The following LINGO2 variants were observed in gnomAD, a reference collection of about 807,000 sequenced individuals.
The protein encoded by LINGO2 is leucine rich repeat and Ig domain containing 2.
Under a neutral mutation model 30.6 loss-of-function variants are expected in LINGO2, and 14 were observed. That is an observed-to-expected ratio of 0.46 (90% CI 0.30 to 0.72). The LOEUF (loss-of-function observed/expected upper bound fraction) is 0.72, where lower values mean the gene tolerates loss of function less well. LINGO2 is among the 30% of genes least tolerant of loss of function. LINGO2 has a pLI of 0.07. For missense variants in LINGO2, 729 were observed against 751.7 expected, an observed-to-expected ratio of 0.97 and a Z score of 0.35; for synonymous variants, 317 against 288.5, an observed-to-expected ratio of 1.10 and a Z score of -1.00.
the LINGO2 span, among the ~76,000 whole-genome samples, chr9:29,063,333 T>TA: frequency 6.6e-6 from 1 of 152,076 alleles, no homozygotes; most frequent in African/African-American, 2.4e-5. Flanking sequence ...TATCCATTAT[T>TA]AGTGCTTTAA....
At chr9:29,130,671 A>T in the LINGO2 span, among the ~76,000 whole-genome samples, 1 of 152,276 alleles carries the variant, frequency 6.6e-6, no homozygotes, top group East Asian at 1.9e-4. Flanking sequence ...GAACAATTTT[A>T]GCACACTTTT....
chr9:28,354,253 C>T (rs1279714819), intron 3 of LINGO2, among the ~76,000 whole-genome samples: 2 of 151,966 alleles, frequency 1.3e-5, no homozygotes, highest in East Asian at 3.9e-4. Flanking sequence ...GTACTCATAC[C>T]AGTAGGTTTG....
chr9:28,526,222 T>C (rs574467661), intron 1 of LINGO2, among the ~76,000 whole-genome samples: 2 of 152,248 alleles, frequency 1.3e-5, no homozygotes, highest in African/African-American at 4.8e-5. Context: ...AGAATGTTAC[T>C]TGGAACATCA....
chr9:28,673,899 C>A (rs1829120834), upstream of LINGO2, among the ~76,000 whole-genome samples: 1 of 151,346 alleles, frequency 6.6e-6, no homozygotes, highest in South Asian at 2.1e-4. Flanking sequence ...ATTTGATGAA[C>A]ATGTATTTTC....
At chr9:28,582,370 A>G (rs1183269943) in intron 1 of LINGO2, among the ~76,000 whole-genome samples, 1 of 152,102 alleles carries the variant, frequency 6.6e-6, no homozygotes, top group Non-Finnish European at 1.5e-5. Flanking sequence ...AATTCAGTCA[A>G]TCAGGACAGT....
chr9:28,070,867 A>G (rs1372342964), intron 4 of LINGO2, among the ~76,000 whole-genome samples: 2 of 152,062 alleles, frequency 1.3e-5, no homozygotes, highest in African/African-American at 4.8e-5. Context: ...ATGAGTAATC[A>G]TGTCTGCCTA....
At chr9:28,920,171 C>T in the LINGO2 span, among the ~76,000 whole-genome samples, 2 of 152,108 alleles carry the variant, frequency 1.3e-5, no homozygotes, top group Non-Finnish European at 2.9e-5. Flanking sequence ...GTCACCTCTA[C>T]ACAGGTGGTT....
chr9:28,699,655 G>C, the LINGO2 span, among the ~76,000 whole-genome samples: 3 of 152,032 alleles, frequency 2.0e-5, no homozygotes, highest in Admixed American at 2.0e-4. Flanking sequence ...TTCTTGCAGA[G>C]AGCGTATAAA....
chr9:28,450,985 A>C (rs1396521059), intron 2 of LINGO2, among the ~76,000 whole-genome samples: 1 of 151,966 alleles, frequency 6.6e-6, no homozygotes, highest in Non-Finnish European at 1.5e-5. Context: ...TTTGAATAGA[A>C]ATAGTCTTAA....
intron 1 of LINGO2, among the ~76,000 whole-genome samples, chr9:28,568,865 G>A (rs1344856305): frequency 6.8e-6 from 1 of 147,502 alleles, no homozygotes; most frequent in Non-Finnish European, 1.5e-5. Flanking sequence ...AACTTAAAAT[G>A]AAGGATGCTA....
intron 4 of LINGO2, among the ~76,000 whole-genome samples, chr9:28,116,962 G>A (rs1435328711): frequency 2.2e-5 from 2 of 91,948 alleles, no homozygotes; most frequent in East Asian, 3.2e-4. Flanking sequence ...GAGGAACTGC[G>A]TTCCTTTGGA....
the LINGO2 span, among the ~76,000 whole-genome samples, chr9:28,862,056 G>A: frequency 6.6e-6 from 1 of 152,038 alleles, no homozygotes; most frequent in Non-Finnish European, 1.5e-5. Context: ...CGGCTCAAAG[G>A]AAATTTTACA....
the LINGO2 span, among the ~76,000 whole-genome samples, chr9:29,133,856 C>T: frequency 6.6e-6 from 1 of 152,048 alleles, no homozygotes; most frequent in Non-Finnish European, 1.5e-5. Context: ...CACACAAAAG[C>T]TCAATTTGGT....
the LINGO2 span, among the ~76,000 whole-genome samples, chr9:28,944,518 G>C: frequency 6.6e-6 from 1 of 152,220 alleles, no homozygotes; most frequent in Admixed American, 6.5e-5. Context: ...CAATTCTCCT[G>C]CCTCAGCCTC....
chr9:29,094,013 T>C, the LINGO2 span, among the ~76,000 whole-genome samples: 3 of 139,024 alleles, frequency 2.2e-5, 1 homozygote, highest in Admixed American at 2.2e-4. Flanking sequence ...TAAATATATA[T>C]TTGAAATCAG....
intron 1 of LINGO2, among the ~76,000 whole-genome samples, chr9:28,500,306 T>C (rs1290407249): frequency 2.0e-5 from 3 of 152,176 alleles, no homozygotes; most frequent in African/African-American, 7.2e-5. Context: ...TCCTAATAAC[T>C]GACCACATGT....
At chr9:28,540,839 T>TA (rs1821660628) in intron 1 of LINGO2, among the ~76,000 whole-genome samples, 1 of 152,208 alleles carries the variant, frequency 6.6e-6, no homozygotes, top group Non-Finnish European at 1.5e-5. Flanking sequence ...TACAATGTCA[T>TA]AAGCTGTAGT....
the LINGO2 span, among the ~76,000 whole-genome samples, chr9:29,170,781 G>C: frequency 6.6e-6 from 1 of 151,646 alleles, no homozygotes; most frequent in Non-Finnish European, 1.5e-5. Context: ...AAATATAAAT[G>C]ACCAAAAAAA....
At position 28,493,568 on chromosome 9, in the gene LINGO2, T is replaced by C. The variant is rs1309222499; in HGVS notation, c.-364-17543A>G. Among the ~76,000 whole-genome samples the C allele has an allele frequency of 2.6e-5, 4 of 152,308 alleles. No homozygotes were observed. The East Asian group carries it at 7.7e-4, about 29-fold the overall frequency. ...GGGTAAAAAGATAGCTTATATGTTATTTGAAAAATCATGAAACAAACAAAT... is the reference window on the plus strand; with the variant it reads ...GGGTAAAAAGATAGCTTATATGTTACTTGAAAAATCATGAAACAAACAAAT... On this transcript the variant is annotated intron_variant, in intron 1 of 5. Transcript: ENST00000379992.
Sources: allele counts gnomAD v4.1 joint callset (sites outside exome capture counted in the v4.1 genomes callset), GRCh38; gene constraint gnomAD v4.1.1; transcripts MANE v1.5; gene names NCBI Gene and HGNC (gene_info 2026-07-23, HGNC 2026-07-21).